Variants in KLRG1 observed in about 807,000 individuals in gnomAD.
The protein encoded by KLRG1 is killer cell lectin-like receptor subfamily G member 1.
Under a neutral mutation model 21.8 loss-of-function variants are expected in KLRG1, and 16 were observed. The observed-to-expected ratio is 0.73, with a 90% confidence interval of 0.50 to 1.11. The LOEUF (loss-of-function observed/expected upper bound fraction) is 1.11. Among genes scored for constraint, KLRG1 ranks in the 50% most tolerant of loss-of-function variants. The pLI is 0.00. For missense variants in KLRG1, 173 were observed against 218.3 expected (o/e 0.79, Z 1.31); for synonymous variants, 69 against 75.9 (o/e 0.91, Z 0.47).
intron 3 of KLRG1, among the ~76,000 whole-genome samples, chr12:9,008,349 T>C (rs1947535730): frequency 6.6e-6 from 1 of 152,242 alleles, no homozygotes; most frequent in Non-Finnish European, 1.5e-5. Context: ...TGTAATATTA[T>C]CTTATTTGCT....
chr12:9,093,634 G>T, the KLRG1 span: 2 of 982,076 alleles, frequency 2.0e-6, no homozygotes, highest in Non-Finnish European at 2.9e-6. Flanking sequence ...AAGCTTATGA[G>T]AGAATGTAAT....
At chr12:9,114,840 G>C in the KLRG1 span, among the ~76,000 whole-genome samples, 24 of 151,936 alleles carry the variant, frequency 1.6e-4, no homozygotes, top group African/African-American at 5.8e-4. Flanking sequence ...CCTTCTGACT[G>C]AGCTATGTTC....
At chr12:8,959,413 C>T (rs1212817177) in intron 1 of KLRG1, among the ~76,000 whole-genome samples, 1 of 152,154 alleles carries the variant, frequency 6.6e-6, no homozygotes, top group Non-Finnish European at 1.5e-5. Flanking sequence ...AATGACCTGG[C>T]TGTGTGAAAA....
the KLRG1 span, chr12:9,101,001 G>T: frequency 1.4e-6 from 1 of 731,594 alleles, no homozygotes; most frequent in South Asian, 2.0e-5. Context: ...CACTACCAAA[G>T]AATTTATTCA....
At chr12:9,062,828 T>C in the KLRG1 span, among the ~76,000 whole-genome samples, 12 of 150,494 alleles carry the variant, frequency 8.0e-5, no homozygotes, top group African/African-American at 2.7e-4. Context: ...TTTTATACAA[T>C]ATATAAATAT....
chr12:9,113,516 C>T, the KLRG1 span: 4 of 1,613,670 alleles, frequency 2.5e-6, no homozygotes, highest in African/African-American at 4.0e-5. Flanking sequence ...CAGTGTGGAG[C>T]AGGGAGGGGA....
intron 1 of KLRG1, among the ~76,000 whole-genome samples, chr12:8,967,924 CAGAA>C (rs1225861045): frequency 2.4e-5 from 3 of 124,164 alleles, no homozygotes; most frequent in African/African-American, 9.1e-5. Flanking sequence ...GCAATCATAA[CAGAA>C]AGAAAAGAAG....
At chr12:9,070,410 G>C in the KLRG1 span, 2 of 925,514 alleles carry the variant, frequency 2.2e-6, no homozygotes, top group Non-Finnish European at 3.4e-6. Context: ...ATAGTATTTT[G>C]ATATTAGTAT....
the KLRG1 span, chr12:9,165,266 G>A: frequency 6.2e-7 from 1 of 1,614,196 alleles, no homozygotes; most frequent in Admixed American, 1.7e-5. Flanking sequence ...GGCAGTGGAA[G>A]AGATACCAAG....
At chr12:9,132,410 T>A in the KLRG1 span, among the ~76,000 whole-genome samples, 3 of 152,338 alleles carry the variant, frequency 2.0e-5, no homozygotes, top group African/African-American at 7.2e-5. Flanking sequence ...GGAGGTCAAC[T>A]TGACTGTGGC....
chr12:9,196,621 C>T, the KLRG1 span: 8 of 1,613,730 alleles, frequency 5.0e-6, no homozygotes, highest in African/African-American at 1.3e-5. Flanking sequence ...CATTTCAAAG[C>T]CCGTATTTGT....
chr12:9,061,606 G>A, the KLRG1 span, among the ~76,000 whole-genome samples: 1 of 152,070 alleles, frequency 6.6e-6, no homozygotes, highest in Non-Finnish European at 1.5e-5. Flanking sequence ...TTGAGCCCAG[G>A]AGTTTGAGAC....
the KLRG1 span, among the ~76,000 whole-genome samples, chr12:9,094,248 GA>G: frequency 2.7e-5 from 4 of 150,202 alleles, no homozygotes; most frequent in East Asian, 7.9e-4. Context: ...CGTGTCAGAA[GA>G]TTACAGTTAG....
At chr12:9,139,123 T>A in the KLRG1 span, among the ~76,000 whole-genome samples, 4 of 152,256 alleles carry the variant, frequency 2.6e-5, no homozygotes, top group South Asian at 8.3e-4. Flanking sequence ...TAGTGTTTTT[T>A]ATTTTTGTTT....
chr12:9,179,616 G>C, the KLRG1 span, among the ~76,000 whole-genome samples: 2 of 152,076 alleles, frequency 1.3e-5, no homozygotes, highest in Non-Finnish European at 2.9e-5. Flanking sequence ...TAAATAGTTC[G>C]ATCTGTTAAA....
At chr12:8,964,334 A>G (rs1356067408) in intron 1 of KLRG1, among the ~76,000 whole-genome samples, 1 of 152,180 alleles carries the variant, frequency 6.6e-6, no homozygotes, top group African/African-American at 2.4e-5. Context: ...GCTTCTATGT[A>G]GTTGAGTGGT....
chr12:9,199,621 GA>G, the KLRG1 span, among the ~76,000 whole-genome samples: 1 of 152,082 alleles, frequency 6.6e-6, no homozygotes, highest in East Asian at 1.9e-4. Context: ...AAGACTTCTA[GA>G]GGCCAACTGA....
the KLRG1 span, among the ~76,000 whole-genome samples, chr12:9,183,537 C>T: frequency 6.6e-6 from 1 of 152,052 alleles, no homozygotes; most frequent in African/African-American, 2.4e-5. Flanking sequence ...GTAGCTGGGA[C>T]TATAGGTGCA....
the KLRG1 span, chr12:9,095,593 G>T: frequency 1.2e-6 from 2 of 1,611,964 alleles, no homozygotes; most frequent in African/African-American, 1.3e-5. Context: ...GAGTATATGT[G>T]ATTCCATTAA....
Sources: allele counts gnomAD v4.1 joint callset (sites outside exome capture counted in the v4.1 genomes callset), GRCh38; gene constraint gnomAD v4.1.1; transcripts MANE v1.5; gene names NCBI Gene and HGNC (gene_info 2026-07-23, HGNC 2026-07-21).